The following ASCC3 variants were observed in gnomAD, a reference collection of about 807,000 sequenced individuals.
ASCC3 encodes the protein ASC-1 complex subunit P200.
A neutral mutation model predicts 256.3 loss-of-function variants in ASCC3; 158 were observed. The ratio of observed to expected loss-of-function variants is 0.62; its 90% confidence interval spans 0.54 to 0.70. ASCC3 has a LOEUF of 0.70. Among genes scored for constraint, ASCC3 ranks in the 30% least tolerant of loss-of-function variants. The probability of loss-of-function intolerance (pLI) is 0.00; values close to 1 mark genes in which losing one functional copy is unlikely to be tolerated. For missense variants in ASCC3, 2,259 were observed against 2,626.0 expected (o/e 0.86, Z 3.05); for synonymous variants, 948 against 883.4 (o/e 1.07, Z -1.30).
chr6:100,847,736 A>C (rs1772451733), intron 4 of ASCC3, among the ~76,000 whole-genome samples: 2 of 152,204 alleles, frequency 1.3e-5, no homozygotes, highest in African/African-American at 4.8e-5. Flanking sequence ...TAAGTTACCT[A>C]AAGTGTCACA....
chr6:100,631,871 A>G (rs1002617028), intron 25 of ASCC3, among the ~76,000 whole-genome samples: 6 of 152,082 alleles, frequency 3.9e-5, no homozygotes, highest in African/African-American at 1.4e-4. Context: ...ATAACCACAT[A>G]TTAGAGAGAC....
At chr6:100,872,491 G>C (rs576378820) in intron 1 of ASCC3, among the ~76,000 whole-genome samples, 133 of 151,068 alleles carry the variant, frequency 8.8e-4, no homozygotes, top group Non-Finnish European at 1.4e-3. Context: ...ATGGCAGACG[G>C]GAGGCAGGAC....
intron 1 of ASCC3, among the ~76,000 whole-genome samples, chr6:100,873,680 T>G (rs965778448): frequency 2.0e-5 from 3 of 152,236 alleles, no homozygotes; most frequent in African/African-American, 7.2e-5. Flanking sequence ...AGCAGATTTC[T>G]CAGCAGAAAC....
intron 36 of ASCC3, among the ~76,000 whole-genome samples, chr6:100,547,873 GA>G (rs940733101): frequency 6.7e-6 from 1 of 149,412 alleles, no homozygotes; most frequent in African/African-American, 2.5e-5. Flanking sequence ...TTTGTAAAGT[GA>G]AAAAAAAATC....
At chr6:100,594,686 A>G (rs1772190922) in intron 34 of ASCC3, among the ~76,000 whole-genome samples, 1 of 152,152 alleles carries the variant, frequency 6.6e-6, no homozygotes, top group African/African-American at 2.4e-5. Flanking sequence ...TTCTGGGTAT[A>G]TACCCAAAGG....
chr6:100,844,830 G>C (rs180955818), intron 4 of ASCC3, among the ~76,000 whole-genome samples: 1 of 152,162 alleles, frequency 6.6e-6, no homozygotes, highest in East Asian at 1.9e-4. Flanking sequence ...CACGCAGGAG[G>C]ACACAGATGT....
Position 100,725,561 on chromosome 6 carries a change from A to G in ASCC3, c.1880T>C (p.Ile627Thr). 11 of 1,612,606 alleles carry G rather than the reference A, an allele frequency of 6.8e-6. No individual in the cohort carries two copies. Among genetic ancestry groups the G allele is most frequent in the Non-Finnish European group, 9.3e-6 (11 of 1,178,978 alleles). The change falls in exon 11 of 42, where the codon ATA (isoleucine) becomes ACA (threonine). Residue 627 changes from isoleucine (I) to threonine (T), a missense_variant. Coordinates refer to ENST00000369162, the MANE Select transcript of ASCC3 (RefSeq NM_006828.4). ...HEDRGPVLES[I>T]VARTLRQVES... ...TACCTGCCGTAAAGTACGGGCAACTATGCTTTCTAATACTGGTCCTCTATC... is the reference window on the plus strand; with the variant it reads ...TACCTGCCGTAAAGTACGGGCAACTGTGCTTTCTAATACTGGTCCTCTATC...
chr6:100,681,925 C>T (rs997597976), intron 13 of ASCC3, among the ~76,000 whole-genome samples: 1 of 151,926 alleles, frequency 6.6e-6, no homozygotes, highest in Admixed American at 6.6e-5. Context: ...AGAACTGCCA[C>T]ATAGGTTCAA....
At chr6:100,509,870 A>G (rs1252291550) in intron 41 of ASCC3, 62 bp downstream of exon 41, 3 of 1,522,124 alleles carry the variant, frequency 2.0e-6, no homozygotes, top group Non-Finnish European at 2.7e-6. Flanking sequence ...CCTGGGCGAC[A>G]GAGCGAGACT....
chr6:100,797,953 T>C lies in ASCC3; in HGVS notation c.1395+760A>G. Among the ~76,000 whole-genome samples, 2 of 152,160 alleles carry C rather than the reference T, an allele frequency of 1.3e-5. 1 individual carries two copies. The highest frequency in any genetic ancestry group is 2.9e-5 in the Non-Finnish European group (2 of 68,012). ...CACACACAAAACAGTGTGTATGATG[T>C]AATTCCATTTTGTAAAAGAAAATAC... On this transcript the variant is annotated intron_variant, in intron 8 of 41. Transcript: ENST00000369162.
intron 4 of ASCC3, among the ~76,000 whole-genome samples, chr6:100,814,055 G>T (rs1052707428): frequency 1.2e-4 from 19 of 152,012 alleles, no homozygotes; most frequent in Non-Finnish European, 1.5e-5. Flanking sequence ...TTGCCAATTC[G>T]GTATGATCTT....
chr6:100,600,690 T>A (rs1274657075), intron 34 of ASCC3, among the ~76,000 whole-genome samples: 1 of 152,086 alleles, frequency 6.6e-6, no homozygotes, highest in Non-Finnish European at 1.5e-5. Context: ...TTTACTTACA[T>A]CTGGAATGTG....
chr6:100,642,456 G>T (rs1775172918), intron 24 of ASCC3, 125 bp downstream of exon 24: 1 of 955,734 alleles, frequency 1.0e-6, no homozygotes, highest in East Asian at 2.5e-5. Flanking sequence ...GAAATAAAAA[G>T]GGAGTTATAG....
intron 8 of ASCC3, among the ~76,000 whole-genome samples, chr6:100,774,872 G>A (rs1782113557): frequency 6.6e-6 from 1 of 152,124 alleles, no homozygotes; most frequent in Non-Finnish European, 1.5e-5. Context: ...GTTTCTATAA[G>A]GATATGAACT....
intron 30 of ASCC3, among the ~76,000 whole-genome samples, chr6:100,607,335 T>A (rs890987147): frequency 2.0e-5 from 3 of 151,958 alleles, no homozygotes; most frequent in African/African-American, 7.2e-5. Flanking sequence ...AGAAAAAAAA[T>A]CTGTAGATAA....
intron 2 of ASCC3, among the ~76,000 whole-genome samples, chr6:100,865,600 C>T (rs541037053): frequency 6.6e-6 from 1 of 152,208 alleles, no homozygotes; most frequent in Non-Finnish European, 1.5e-5. Context: ...AAACCTGTTA[C>T]AAAACTCCTT....
At chr6:100,837,079 C>T (rs846787) in intron 4 of ASCC3, among the ~76,000 whole-genome samples, 84,740 of 151,740 alleles carry the variant, frequency 0.56, 24,866 homozygotes, top group Non-Finnish European at 0.65. Flanking sequence ...TCTGAATAGA[C>T]ATTTCTGAAA....
intron 34 of ASCC3, among the ~76,000 whole-genome samples, chr6:100,600,017 T>A (rs1772518437): frequency 6.6e-6 from 1 of 152,202 alleles, no homozygotes; most frequent in Non-Finnish European, 1.5e-5. Context: ...GAAGAACGTC[T>A]AGCTCAGAGA....
intron 35 of ASCC3, 76 bp from the exon 36 acceptor site, chr6:100,589,844 C>T: frequency 6.3e-7 from 1 of 1,597,964 alleles, no homozygotes; most frequent in Non-Finnish European, 8.5e-7. Flanking sequence ...CAGACAGGTG[C>T]TTTTGAAACA....
Sources: gnomAD v4.1 joint callset for allele counts (sites outside exome capture counted in the v4.1 genomes callset) on GRCh38, gnomAD v4.1.1 for gene constraint, MANE v1.5 for transcripts, NCBI Gene and HGNC (gene_info 2026-07-23, HGNC 2026-07-21) for gene names.